Variants in FHOD3 observed in about 807,000 individuals in gnomAD.
FHOD3 encodes formin homology 2 domain containing 3, also known as FH1/FH2 domain-containing protein 3.
In FHOD3, 90 loss-of-function variants were observed where a neutral mutation model predicts 173.0. That is an observed-to-expected ratio of 0.52 (90% CI 0.44 to 0.62). The LOEUF (loss-of-function observed/expected upper bound fraction) is 0.62, where lower values mean the gene tolerates loss of function less well. Among genes scored for constraint, FHOD3 ranks in the 20% least tolerant of loss-of-function variants. The probability of loss-of-function intolerance (pLI) is 0.00; values close to 1 mark genes in which losing one functional copy is unlikely to be tolerated. For missense variants in FHOD3, 1,945 were observed against 2,034.7 expected (o/e 0.96, Z 0.85); for synonymous variants, 828 against 823.0 (o/e 1.01, Z -0.10).
intron 5 of FHOD3, among the ~76,000 whole-genome samples, chr18:36,557,795 A>G (rs1351479995): frequency 6.6e-6 from 1 of 151,068 alleles, no homozygotes; most frequent in Non-Finnish European, 1.5e-5. Flanking sequence ...TACTTATTGC[A>G]TGCTGATATT....
intron 3 of FHOD3, among the ~76,000 whole-genome samples, chr18:36,419,726 C>T (rs550210990): frequency 1.3e-5 from 2 of 152,282 alleles, no homozygotes; most frequent in Admixed American, 1.3e-4. Flanking sequence ...GTCTGACAGA[C>T]CTCAGAGACT....
At chr18:36,639,834 CA>C (rs2035181551) in intron 10 of FHOD3, among the ~76,000 whole-genome samples, 1 of 148,534 alleles carries the variant, frequency 6.7e-6, no homozygotes, top group South Asian at 2.1e-4. Flanking sequence ...TTTTTAAACA[CA>C]AAGTCAAGGT....
At chr18:36,440,536 C>T (rs71365636) in intron 3 of FHOD3, among the ~76,000 whole-genome samples, 2 of 152,236 alleles carry the variant, frequency 1.3e-5, no homozygotes, top group Non-Finnish European at 2.9e-5. Flanking sequence ...GCCTCCACGG[C>T]CCTCCCACTG....
chr18:36,464,896 A>G (rs919545992), intron 3 of FHOD3, among the ~76,000 whole-genome samples: 2 of 152,112 alleles, frequency 1.3e-5, no homozygotes, highest in African/African-American at 4.8e-5. Context: ...ACACACAGGG[A>G]TAGCTGCCCT....
At chr18:36,405,190 T>C (rs1054051051) in intron 3 of FHOD3, among the ~76,000 whole-genome samples, 1 of 152,208 alleles carries the variant, frequency 6.6e-6, no homozygotes, top group African/African-American at 2.4e-5. Context: ...CAGGGTTAAA[T>C]CCCTGTCTCT....
intron 5 of FHOD3, among the ~76,000 whole-genome samples, chr18:36,565,598 T>TGGTAA (rs112452373): frequency 0.015 from 2,335 of 152,250 alleles, 63 homozygotes; most frequent in African/African-American, 0.053. Context: ...TGTTGCCCTG[T>TGGTAA]GGTAAGTTTC....
In FHOD3 at chr18:36,529,326, C is replaced by A. The variant is rs1226267056; in HGVS notation, c.511+16783C>A. ...TTTAGCTGCTGCTCGTGTTATACAG[C>A]AAGGCAGTGGCCAAGTCTCTTTCCA... On this transcript the variant is annotated intron_variant, in intron 5 of 28. Transcript: ENST00000590592. 8.9e-4 allele frequency among the ~76,000 whole-genome samples: 135 copies of A among 152,250 alleles called. 1 individual carries two copies. The highest frequency in any genetic ancestry group is 1.0e-4 in the Non-Finnish European group (7 of 68,004).
At chr18:36,600,550 A>C (rs1468172296) in intron 7 of FHOD3, among the ~76,000 whole-genome samples, 1 of 152,246 alleles carries the variant, frequency 6.6e-6, no homozygotes, top group Non-Finnish European at 1.5e-5. Context: ...AAATATATGC[A>C]CATTTCCAGA....
rs2044694829 is a variant in FHOD3, at chr18:36,326,868, AAG to A, written c.166-28665_166-28664del. Among the ~76,000 whole-genome samples, 9 of 152,320 alleles carry A rather than the reference AAG, an allele frequency of 5.9e-5. No homozygotes were observed. In the South Asian group the frequency reaches 1.9e-3, roughly 32 times the overall value. On this transcript the variant is annotated intron_variant, in intron 1 of 28. Coordinates refer to ENST00000590592, the MANE Select transcript of FHOD3 (RefSeq NM_001281740.3). ...TCCAAAGAACGTCGTTGGCTTAGGA[AAG>A]AGAGACTCACCAGGAGCAGATACCC...
At chr18:36,449,433 G>C (rs1055976104) in intron 3 of FHOD3, among the ~76,000 whole-genome samples, 2 of 152,088 alleles carry the variant, frequency 1.3e-5, no homozygotes, top group Non-Finnish European at 2.9e-5. Flanking sequence ...TATTCGTGTG[G>C]GGTTGAGACT....
chr18:36,537,105 G>T (rs1179316056), intron 5 of FHOD3, among the ~76,000 whole-genome samples: 2 of 152,148 alleles, frequency 1.3e-5, no homozygotes, highest in African/African-American at 4.8e-5. Flanking sequence ...CAGGCTTAGT[G>T]TGGATAGCTT....
In FHOD3 at chr18:36,598,167, T is replaced by C. The variant is rs570031605; in HGVS notation, c.718+3269T>C. ...CATTTGTGCACAAGTTTATAAATCA[T>C]AAATTTTACTTCTCAAAGTGGCTTT... On this transcript the variant is annotated intron_variant, in intron 7 of 28. Transcript: ENST00000590592. 2.0e-5 allele frequency among the ~76,000 whole-genome samples: 3 copies of C among 152,318 alleles called. No individual in the cohort carries two copies. In the East Asian group the frequency reaches 5.8e-4, roughly 29 times the overall value.
chr18:36,447,498 T>C (rs1049536931), intron 3 of FHOD3, among the ~76,000 whole-genome samples: 1 of 152,024 alleles, frequency 6.6e-6, no homozygotes, highest in African/African-American at 2.4e-5. Flanking sequence ...TTTTGTTTGT[T>C]TGTTTTTTCC....
chr18:36,521,276 C>T (rs1260652224), intron 5 of FHOD3, among the ~76,000 whole-genome samples: 2 of 152,126 alleles, frequency 1.3e-5, no homozygotes, highest in Non-Finnish European at 2.9e-5. Flanking sequence ...CCCAAGACCT[C>T]CAGCCCTGGC....
At chr18:36,558,186 G>T (rs2057962693) in intron 5 of FHOD3, among the ~76,000 whole-genome samples, 1 of 152,120 alleles carries the variant, frequency 6.6e-6, no homozygotes, top group Non-Finnish European at 1.5e-5. Flanking sequence ...GTCTTAGTCT[G>T]TTTGGAGAGT....
intron 10 of FHOD3, among the ~76,000 whole-genome samples, chr18:36,645,356 G>C (rs1463437121): frequency 6.6e-6 from 1 of 152,150 alleles, no homozygotes; most frequent in Non-Finnish European, 1.5e-5. Context: ...GGAATCAGAG[G>C]CTGCAGTGAA....
chr18:36,300,434 A>G (rs1234191569), intron 1 of FHOD3, among the ~76,000 whole-genome samples: 1 of 152,266 alleles, frequency 6.6e-6, no homozygotes, highest in Non-Finnish European at 1.5e-5. Flanking sequence ...GGCCTGACAC[A>G]GAGTGCATAG....
Position 36,516,570 on chromosome 18 carries a change from C to T in FHOD3, c.511+4027C>T, listed in dbSNP as rs1568373170. Reference sequence around the variant, plus strand: ...TGCTGGAGAAGACGAACTGGCTGGTCGCTAGCCAGGGCCTCAAAACTGGGT... The same window carrying T: ...TGCTGGAGAAGACGAACTGGCTGGTTGCTAGCCAGGGCCTCAAAACTGGGT... On this transcript the variant is annotated intron_variant, in intron 5 of 28. Coordinates refer to ENST00000590592, the MANE Select transcript of FHOD3 (RefSeq NM_001281740.3). 2.0e-5 allele frequency among the ~76,000 whole-genome samples: 3 copies of T among 152,236 alleles called. No individual in the cohort carries two copies. In the South Asian group the frequency reaches 6.2e-4, roughly 32 times the overall value.
At chr18:36,697,614 A>G (rs2039357890) in intron 17 of FHOD3, among the ~76,000 whole-genome samples, 1 of 152,188 alleles carries the variant, frequency 6.6e-6, no homozygotes, top group East Asian at 1.9e-4. Flanking sequence ...GGGTATTTCC[A>G]AATGTCTGAT....
Sources: allele counts gnomAD v4.1 joint callset (sites outside exome capture counted in the v4.1 genomes callset), GRCh38; gene constraint gnomAD v4.1.1; transcripts MANE v1.5; gene names NCBI Gene and HGNC (gene_info 2026-07-23, HGNC 2026-07-21).